The following TBC1D22A variants were observed in gnomAD, a reference collection of about 807,000 sequenced individuals.
TBC1D22A encodes the protein TBC1 domain family member 22A.
Under a neutral mutation model 60.2 loss-of-function variants are expected in TBC1D22A, and 38 were observed. That is an observed-to-expected ratio of 0.63 (90% CI 0.49 to 0.83). TBC1D22A has a LOEUF of 0.83. TBC1D22A is among the 40% of genes least tolerant of loss of function. The probability of loss-of-function intolerance (pLI) is 0.00; values close to 1 mark genes in which losing one functional copy is unlikely to be tolerated. For missense variants in TBC1D22A, 628 were observed against 701.0 expected, an observed-to-expected ratio of 0.90 and a Z score of 1.18; for synonymous variants, 302 against 281.7, an observed-to-expected ratio of 1.07 and a Z score of -0.72.
At chr22:46,864,075 C>T (rs750044739) in intron 4 of TBC1D22A, among the ~76,000 whole-genome samples, 1 of 152,238 alleles carries the variant, frequency 6.6e-6, no homozygotes, top group Admixed American at 6.5e-5. Context: ...CCTTTCCTGA[C>T]ATTCCTGATG....
chr22:46,871,922 C>T (rs2067310320), intron 4 of TBC1D22A, among the ~76,000 whole-genome samples: 1 of 151,812 alleles, frequency 6.6e-6, no homozygotes, highest in Non-Finnish European at 1.5e-5. Context: ...TCTAGTTGGA[C>T]TAATGAACAG....
At chr22:47,012,514 G>C (rs1295736727) in intron 10 of TBC1D22A, among the ~76,000 whole-genome samples, 1 of 152,194 alleles carries the variant, frequency 6.6e-6, no homozygotes, top group African/African-American at 2.4e-5. Context: ...CTTTGGAAGA[G>C]GGGTATGGCC....
chr22:47,001,142 C>T (rs2061393661), intron 10 of TBC1D22A, among the ~76,000 whole-genome samples: 2 of 152,064 alleles, frequency 1.3e-5, no homozygotes, highest in African/African-American at 4.8e-5. Context: ...ACGTGATACT[C>T]CCTCATAAAA....
intron 8 of TBC1D22A, among the ~76,000 whole-genome samples, chr22:46,973,442 T>G (rs896469869): frequency 2.0e-5 from 3 of 152,232 alleles, no homozygotes; most frequent in Non-Finnish European, 4.4e-5. Flanking sequence ...AGCGGCAGCA[T>G]CATCCGTATC....
At chr22:47,093,264 C>T (rs191079191) in intron 11 of TBC1D22A, among the ~76,000 whole-genome samples, 20 of 152,298 alleles carry the variant, frequency 1.3e-4, no homozygotes, top group East Asian at 1.2e-3. Flanking sequence ...TGTGATCCTG[C>T]GCCGAGTCTC....
chr22:47,115,503 C>G (rs953963048), intron 12 of TBC1D22A, among the ~76,000 whole-genome samples: 1 of 152,176 alleles, frequency 6.6e-6, no homozygotes, highest in Non-Finnish European at 1.5e-5. Context: ...TTCGTAGGGT[C>G]TTGGGGGTGA....
intron 10 of TBC1D22A, among the ~76,000 whole-genome samples, chr22:47,007,359 T>C (rs958693414): frequency 1.3e-5 from 2 of 152,136 alleles, no homozygotes; most frequent in Admixed American, 6.5e-5. Flanking sequence ...ACCACGCAGA[T>C]GAAAAGGCAG....
At chr22:46,869,058 C>G (rs1394452063) in intron 4 of TBC1D22A, among the ~76,000 whole-genome samples, 1 of 152,202 alleles carries the variant, frequency 6.6e-6, no homozygotes, top group Non-Finnish European at 1.5e-5. Context: ...CGCTCCGCTG[C>G]CTCCCACTGC....
At chr22:46,927,314 G>A (rs1475230515) in intron 8 of TBC1D22A, among the ~76,000 whole-genome samples, 3 of 152,180 alleles carry the variant, frequency 2.0e-5, no homozygotes, top group Non-Finnish European at 4.4e-5. Context: ...AAGTCAATCC[G>A]TGTAATACAC....
At chr22:46,800,271 T>C (rs1274083075) in intron 4 of TBC1D22A, among the ~76,000 whole-genome samples, 1 of 152,106 alleles carries the variant, frequency 6.6e-6, no homozygotes, top group Non-Finnish European at 1.5e-5. Context: ...TCCCTAGCCA[T>C]GGGTGAGGCG....
At chr22:46,944,546 C>G (rs190494404) in intron 8 of TBC1D22A, among the ~76,000 whole-genome samples, 4 of 152,062 alleles carry the variant, frequency 2.6e-5, no homozygotes, top group Admixed American at 1.3e-4. Context: ...CTACAGGCGC[C>G]CGCCACCATG....
intron 4 of TBC1D22A, among the ~76,000 whole-genome samples, chr22:46,873,677 G>A (rs777165640): frequency 5.9e-5 from 9 of 152,030 alleles, no homozygotes; most frequent in African/African-American, 1.7e-4. Flanking sequence ...CCCATCCTCT[G>A]CCCTCCAGTA....
intron 8 of TBC1D22A, among the ~76,000 whole-genome samples, chr22:46,930,119 C>T (rs1410391030): frequency 6.6e-6 from 1 of 152,154 alleles, no homozygotes; most frequent in African/African-American, 2.4e-5. Flanking sequence ...CTTTCTTTGG[C>T]CTTGAGCCTG....
rs538420469 is a variant in TBC1D22A at position 47,029,337 on chromosome 22, C to T, written c.1202-7734C>T. Among the ~76,000 whole-genome samples, 14 of 152,292 alleles carry T rather than the reference C, an allele frequency of 9.2e-5. No individual in the cohort carries two copies. In the East Asian group the frequency reaches 2.5e-3, roughly 27 times the overall value. ...GGAACACAGCGCTTCCATACCCCTC[C>T]CAATGGGGCCAGGGTGCTAACTCTC... On this transcript the variant is annotated intron_variant, in intron 10 of 12. Coordinates refer to ENST00000337137, the MANE Select transcript of TBC1D22A (RefSeq NM_014346.5).
intron 10 of TBC1D22A, among the ~76,000 whole-genome samples, chr22:47,000,138 T>G (rs988860384): frequency 1.3e-5 from 2 of 152,148 alleles, no homozygotes; most frequent in African/African-American, 4.8e-5. Flanking sequence ...ACTCGTTGAT[T>G]AAGAATGGAG....
chr22:46,889,567 A>G (rs1414276655), intron 5 of TBC1D22A, among the ~76,000 whole-genome samples: 13 of 152,252 alleles, frequency 8.5e-5, no homozygotes, highest in Admixed American at 8.5e-4. Context: ...GTGCAGGAAT[A>G]TAACAAACCC....
intron 8 of TBC1D22A, among the ~76,000 whole-genome samples, chr22:46,924,948 G>A (rs1473549177): frequency 1.3e-5 from 2 of 152,106 alleles, no homozygotes; most frequent in African/African-American, 4.8e-5. Context: ...ATGAGAGGAT[G>A]AACGCAGAGA....
At chr22:46,802,081 A>C (rs1441870105) in intron 4 of TBC1D22A, among the ~76,000 whole-genome samples, 2 of 152,112 alleles carry the variant, frequency 1.3e-5, no homozygotes, top group Admixed American at 6.5e-5. Context: ...GGCTCAACCT[A>C]CCTGTTTCGT....
intron 11 of TBC1D22A, among the ~76,000 whole-genome samples, chr22:47,095,880 A>G (rs1042069254): frequency 6.6e-5 from 10 of 152,102 alleles, no homozygotes; most frequent in Non-Finnish European, 8.8e-5. Context: ...CAGAACCAGA[A>G]CCCTTTCCCA....
Sources: gnomAD v4.1 joint callset for allele counts (sites outside exome capture counted in the v4.1 genomes callset) on GRCh38, gnomAD v4.1.1 for gene constraint, MANE v1.5 for transcripts, NCBI Gene and HGNC (gene_info 2026-07-23, HGNC 2026-07-21) for gene names.